Variants in DCAF8L2 observed in about 807,000 individuals in gnomAD.
DCAF8L2 encodes the protein DDB1 and CUL4 associated factor 8 like 2.
For missense variants in DCAF8L2, 430 were observed against 490.7 expected, an observed-to-expected ratio of 0.88 and a Z score of 1.17; for synonymous variants, 200 against 190.9, an observed-to-expected ratio of 1.05 and a Z score of -0.39.
the DCAF8L2 span, chrX:27,519,442 C>A: frequency 2.1e-5 from 23 of 1,120,045 alleles, no homozygotes; most frequent in East Asian, 4.5e-4. Context: ...GATTGCACTT[C>A]TAGAAGAAGC....
the DCAF8L2 span, among the ~76,000 whole-genome samples, chrX:27,498,852 T>G: frequency 8.9e-6 from 1 of 112,197 alleles, no homozygotes; most frequent in African/African-American, 3.2e-5. Context: ...ATGTCCTAGG[T>G]TGATCTGTGT....
At chrX:27,519,783 C>G in the DCAF8L2 span, 1 of 513,192 alleles carries the variant, frequency 1.9e-6, no homozygotes, top group Non-Finnish European at 3.5e-6. Flanking sequence ...GGCTTTTAAT[C>G]TGATTTTTTT....
the DCAF8L2 span, among the ~76,000 whole-genome samples, chrX:27,567,538 C>A: frequency 1.5e-5 from 1 of 67,610 alleles, no homozygotes; most frequent in African/African-American, 5.7e-5. Context: ...TAAGGATCAC[C>A]ACTGTAGCAT....
rs1409522291 is a variant in DCAF8L2 at position 27,680,032 on chromosome X, G to GA, written c.-143+2127dup. 2.7e-5 allele frequency among the ~76,000 whole-genome samples: 3 copies of GA among 111,511 alleles called. No individual in the cohort carries two copies. The Admixed American group carries it at 2.9e-4, about 11-fold the overall frequency. On this transcript the variant is annotated intron_variant, in intron 3 of 4. Coordinates refer to ENST00000451261, the MANE Select transcript of DCAF8L2 (RefSeq NM_001353450.2). Reference sequence around the variant, plus strand: ...TTTGTATCAGATCAACAAGACTCCAGAAAAAAATTCCTGGGGTAGTAAAAA... The same window carrying GA: ...TTTGTATCAGATCAACAAGACTCCAGAAAAAAAATTCCTGGGGTAGTAAAAA...
At chrX:27,495,048 C>G in the DCAF8L2 span, among the ~76,000 whole-genome samples, 2 of 110,538 alleles carry the variant, frequency 1.8e-5, no homozygotes, top group Admixed American at 9.7e-5. Flanking sequence ...TTGACGTATA[C>G]CTTTATATGT....
chrX:27,624,107 G>A (rs1927905414), intron 1 of DCAF8L2, among the ~76,000 whole-genome samples: 1 of 111,771 alleles, frequency 8.9e-6, no homozygotes, highest in Non-Finnish European at 1.9e-5. Flanking sequence ...AATTGTCAGA[G>A]TTTAGACATA....
chrX:27,641,974 T>C (rs1292352815), intron 2 of DCAF8L2, among the ~76,000 whole-genome samples: 2 of 109,293 alleles, frequency 1.8e-5, no homozygotes, highest in Non-Finnish European at 3.8e-5. Flanking sequence ...CTGCAAGCTC[T>C]GCCTCCCGGA....
chrX:27,601,995 G>T (rs1000087275), intron 1 of DCAF8L2, among the ~76,000 whole-genome samples: 1 of 111,715 alleles, frequency 9.0e-6, no homozygotes, highest in African/African-American at 3.3e-5. Flanking sequence ...AACACTTACG[G>T]ATTCCTGGGG....
chrX:27,711,471 G>T (rs1931532589), intron 3 of DCAF8L2, among the ~76,000 whole-genome samples: 1 of 107,411 alleles, frequency 9.3e-6, no homozygotes, highest in Non-Finnish European at 1.9e-5. Flanking sequence ...GTGCTTATAT[G>T]TGTATATATA....
chrX:27,727,758 CAAT>C (rs768217735), intron 4 of DCAF8L2, among the ~76,000 whole-genome samples: 6 of 111,476 alleles, frequency 5.4e-5, no homozygotes, highest in Non-Finnish European at 1.1e-4. Flanking sequence ...GGCATCTTTT[CAAT>C]AATGAGTCTT....
the DCAF8L2 span, among the ~76,000 whole-genome samples, chrX:27,578,841 A>T: frequency 1.8e-5 from 2 of 110,504 alleles, no homozygotes; most frequent in African/African-American, 6.6e-5. Flanking sequence ...TGCAAATCAA[A>T]ACCACAATGA....
the DCAF8L2 span, among the ~76,000 whole-genome samples, chrX:27,495,116 C>G: frequency 9.0e-6 from 1 of 111,417 alleles, no homozygotes; most frequent in East Asian, 2.8e-4. Flanking sequence ...TATATTCATT[C>G]TTTGCATATG....
the DCAF8L2 span, among the ~76,000 whole-genome samples, chrX:27,483,705 A>T: frequency 9.0e-6 from 1 of 111,008 alleles, no homozygotes; most frequent in Non-Finnish European, 1.9e-5. Context: ...TCCCATTTAT[A>T]CACCAATTTT....
intron 1 of DCAF8L2, among the ~76,000 whole-genome samples, chrX:27,607,008 G>C (rs1291243614): frequency 1.8e-5 from 2 of 111,096 alleles, no homozygotes; most frequent in Admixed American, 9.7e-5. Flanking sequence ...CATCAAATTA[G>C]AGTAAAGAAA....
At position 27,747,314 on chromosome X, in the gene DCAF8L2, AGG is replaced by A. The variant is rs1569201230; in HGVS notation, c.420_421del (p.Glu141GlyfsTer20). On this transcript the variant is annotated frameshift_variant, in exon 5 of 5. Coordinates refer to ENST00000451261, the MANE Select transcript of DCAF8L2 (RefSeq NM_001353450.2). LOFTEE classifies it low-confidence loss of function (END_TRUNC). The stretch of plus-strand genomic sequence containing the variant: ...GAGGAGGAGGAGGAGGAGGAGGAGG[AGG>A]AGGAGGAGGAGGAAGAAGAACAGCC... The A allele has an allele frequency of 1.1e-5, 13 of 1,138,932 alleles. No individual in the cohort carries two copies. Among genetic ancestry groups the A allele is most frequent in the Admixed American group, 2.7e-5 (1 of 37,129 alleles). 93.9% of individuals were successfully genotyped at this position (1,138,932 alleles called of 1,213,427 possible).
In DCAF8L2 at chrX:27,748,452, T is replaced by G. The variant is rs777592552; in HGVS notation, c.1557T>G (p.Leu519=). 7.5e-6 allele frequency: 9 copies of G among 1,206,952 alleles called. No individual in the cohort carries two copies. In the African/African-American group the frequency reaches 1.2e-4, roughly 16 times the overall value. The stretch of plus-strand genomic sequence containing the variant: ...GCAGAGAAGGTACAATAAACTGTCT[T>G]GAACCCCACCCTTACCTACCTGTGT... The part of the protein sequence containing the change: ...KGSREGTINC[L]EPHPYLPVLA... The change falls in exon 5 of 5, where the codon CTT becomes CTG. Residue 519 remains leucine (L), a synonymous_variant. Coordinates refer to ENST00000451261, the MANE Select transcript of DCAF8L2 (RefSeq NM_001353450.2).
At chrX:27,699,304 GC>G (rs746705412) in intron 3 of DCAF8L2, among the ~76,000 whole-genome samples, 36 of 111,880 alleles carry the variant, frequency 3.2e-4, no homozygotes, top group Middle Eastern at 9.3e-3. Flanking sequence ...AAGGGCAAAT[GC>G]CTTAGACAGA....
At position 27,694,627 on chromosome X, in the gene DCAF8L2, T is replaced by A. The variant is rs757788391; in HGVS notation, c.-143+16715T>A. Among the ~76,000 whole-genome samples the A allele has an allele frequency of 2.7e-5, 3 of 111,666 alleles. No individual in the cohort carries two copies. In the South Asian group the frequency reaches 1.1e-3, roughly 42 times the overall value. ...AAGTTAACATTGAAAGTTCAATTAT[T>A]TGAAAAGATTCTTTTTGTCTACCTA... On this transcript the variant is annotated intron_variant, in intron 3 of 4. Coordinates refer to ENST00000451261, the MANE Select transcript of DCAF8L2 (RefSeq NM_001353450.2).
the DCAF8L2 span, among the ~76,000 whole-genome samples, chrX:27,566,153 A>C: frequency 1.0e-5 from 1 of 98,335 alleles, no homozygotes; most frequent in Non-Finnish European, 2.0e-5. Context: ...CTCTTATCTG[A>C]GTATGCCCAA....
Sources: allele counts gnomAD v4.1 joint callset (sites outside exome capture counted in the v4.1 genomes callset), GRCh38; gene constraint gnomAD v4.1.1; transcripts MANE v1.5; gene names NCBI Gene and HGNC (gene_info 2026-07-23, HGNC 2026-07-21).